The following UNC79 variants were observed in gnomAD, a reference collection of about 807,000 sequenced individuals.
The protein encoded by UNC79 is unc-79 subunit of NALCN channel complex, also known as protein unc-79 homolog.
In UNC79, 37 loss-of-function variants were observed where a neutral mutation model predicts 283.1. The ratio of observed to expected loss-of-function variants is 0.13; its 90% confidence interval spans 0.10 to 0.17. The LOEUF (loss-of-function observed/expected upper bound fraction) is 0.17, where lower values mean the gene tolerates loss of function less well. Ranked by LOEUF, UNC79 falls within the 10% of genes least tolerant of loss-of-function variation. The pLI, the probability that UNC79 is intolerant of heterozygous loss-of-function variation, is 1.00. For missense variants in UNC79, 2,272 were observed against 3,211.1 expected, an observed-to-expected ratio of 0.71 and a Z score of 7.07; for synonymous variants, 1,107 against 1,200.2, an observed-to-expected ratio of 0.92 and a Z score of 1.61.
intron 38 of UNC79, among the ~76,000 whole-genome samples, chr14:93,657,120 A>G (rs2071030302): frequency 6.6e-6 from 1 of 152,186 alleles, no homozygotes; most frequent in Non-Finnish European, 1.5e-5. Context: ...ACCACCTCTT[A>G]TATTCTATGA....
At chr14:93,536,443 G>A (rs910308797) in intron 11 of UNC79, among the ~76,000 whole-genome samples, 2 of 152,098 alleles carry the variant, frequency 1.3e-5, no homozygotes, top group African/African-American at 4.8e-5. Flanking sequence ...AAAGTAGCCT[G>A]TCATTTACAG....
chr14:93,335,997 C>G (rs1189418574), intron 1 of UNC79, among the ~76,000 whole-genome samples: 2 of 152,220 alleles, frequency 1.3e-5, no homozygotes, highest in Admixed American at 6.5e-5. Flanking sequence ...ACCTGGTCAT[C>G]TATGTTGAAA....
At chr14:93,547,151 A>G (rs2061640069) in intron 14 of UNC79, among the ~76,000 whole-genome samples, 1 of 152,214 alleles carries the variant, frequency 6.6e-6, no homozygotes, top group South Asian at 2.1e-4. Flanking sequence ...GTTGTCTACC[A>G]TCAGACAAAG....
At chr14:93,495,400 A>T (rs557065850) in intron 5 of UNC79, among the ~76,000 whole-genome samples, 10 of 152,294 alleles carry the variant, frequency 6.6e-5, no homozygotes, top group African/African-American at 2.2e-4. Flanking sequence ...CGGGAACAGC[A>T]TGGGGCAAAC....
At chr14:93,647,611 T>A (rs905504566) in intron 35 of UNC79, among the ~76,000 whole-genome samples, 1 of 151,952 alleles carries the variant, frequency 6.6e-6, no homozygotes, top group African/African-American at 2.4e-5. Flanking sequence ...AGGTTGAGTA[T>A]GAAAAAGAGT....
At chr14:93,558,405 A>G (rs922306753) in intron 14 of UNC79, among the ~76,000 whole-genome samples, 5 of 151,738 alleles carry the variant, frequency 3.3e-5, no homozygotes, top group Non-Finnish European at 7.4e-5. Context: ...AAATACAAAA[A>G]ATTAGCCCGG....
chr14:93,561,374 T>C (rs2062541123), intron 14 of UNC79, among the ~76,000 whole-genome samples: 1 of 152,116 alleles, frequency 6.6e-6, no homozygotes, highest in African/African-American at 2.4e-5. Flanking sequence ...ATGTGAAATG[T>C]CTGGGGAGGT....
intron 32 of UNC79, among the ~76,000 whole-genome samples, chr14:93,638,964 A>C (rs1367572888): frequency 6.6e-6 from 1 of 152,212 alleles, no homozygotes; most frequent in Admixed American, 6.5e-5. Context: ...CTGCTTTTAT[A>C]GATGACGGCC....
chr14:93,593,298 G>A (rs565151729), intron 22 of UNC79, among the ~76,000 whole-genome samples: 1 of 152,254 alleles, frequency 6.6e-6, no homozygotes, highest in South Asian at 2.1e-4. Flanking sequence ...GGCTGGGCAG[G>A]CCAAACCAAC....
intron 29 of UNC79, among the ~76,000 whole-genome samples, chr14:93,619,661 A>G (rs1262648058): frequency 6.6e-6 from 1 of 152,148 alleles, no homozygotes; most frequent in Non-Finnish European, 1.5e-5. Context: ...TGGTTATTTC[A>G]TCTAAAATTT....
intron 7 of UNC79, among the ~76,000 whole-genome samples, chr14:93,501,415 C>T (rs1025038057): frequency 6.0e-5 from 9 of 151,164 alleles, no homozygotes; most frequent in South Asian, 2.1e-4. Flanking sequence ...ATGTGGCCAG[C>T]GCAGTGGCTC....
At chr14:93,539,523 A>T (rs1427716451) in intron 12 of UNC79, among the ~76,000 whole-genome samples, 9 of 151,986 alleles carry the variant, frequency 5.9e-5, no homozygotes, top group Non-Finnish European at 1.3e-4. Context: ...TCCGTCTCAA[A>T]AAAATAAATT....
chr14:93,608,261 G>A (rs1396411518), intron 26 of UNC79, among the ~76,000 whole-genome samples: 3 of 152,218 alleles, frequency 2.0e-5, no homozygotes, highest in Non-Finnish European at 4.4e-5. Context: ...CCAAGTAAGG[G>A]ATATTAAGTA....
At chr14:93,577,930 C>A (rs1350556853) in exon 18 of UNC79, 1 of 1,614,054 alleles carries the variant, frequency 6.2e-7, no homozygotes, top group Non-Finnish European at 8.5e-7. Flanking sequence ...TTTCGGAGTC[C>A]TTTGCGTAGT....
intron 47 of UNC79, among the ~76,000 whole-genome samples, chr14:93,698,839 C>A (rs1206379653): frequency 6.6e-6 from 1 of 152,092 alleles, no homozygotes; most frequent in Non-Finnish European, 1.5e-5. Flanking sequence ...TGGTGCATGG[C>A]ATAATGTAAG....
upstream of UNC79, among the ~76,000 whole-genome samples, chr14:93,428,848 G>T (rs1372901321): frequency 1.3e-5 from 2 of 152,142 alleles, no homozygotes; most frequent in African/African-American, 4.8e-5. Context: ...CTTGCACCAG[G>T]TTACACAGAT....
intron 17 of UNC79, 49 bp downstream of exon 17, chr14:93,575,247 AC>A: frequency 6.2e-7 from 1 of 1,610,752 alleles, no homozygotes; most frequent in Non-Finnish European, 8.5e-7. Context: ...AATCTTGAAA[AC>A]CCTTGTCAGT....
intron 24 of UNC79, among the ~76,000 whole-genome samples, chr14:93,597,754 C>A (rs76043511): frequency 0.015 from 2,212 of 152,264 alleles, 54 homozygotes; most frequent in African/African-American, 0.051. Flanking sequence ...TCTGGGGCCT[C>A]TTTCATAAGG....
chr14:93,642,424 CAAAAAA>C (rs5810634), intron 33 of UNC79, among the ~76,000 whole-genome samples: 1 of 106,178 alleles, frequency 9.4e-6, no homozygotes, highest in Admixed American at 1.1e-4. Context: ...GACTCCATCT[CAAAAAA>C]AAAAAAAAAA....
Sources: gnomAD v4.1 joint callset for allele counts (sites outside exome capture counted in the v4.1 genomes callset) on GRCh38, gnomAD v4.1.1 for gene constraint, MANE v1.5 for transcripts, NCBI Gene and HGNC (gene_info 2026-07-23, HGNC 2026-07-21) for gene names.